PRKN: variants seen among roughly 807,000 people sequenced by gnomAD.
PRKN encodes E3 ubiquitin-protein ligase parkin.
Under a neutral mutation model 59.5 loss-of-function variants are expected in PRKN, and 56 were observed. The ratio of observed to expected loss-of-function variants is 0.94; its 90% CI spans 0.76 to 1.18. PRKN has a LOEUF of 1.18. PRKN is among the 50% of genes most tolerant of loss of function. PRKN has a pLI of 0.00. For missense variants in PRKN, 657 were observed against 596.4 expected (o/e 1.10, Z -1.06); for synonymous variants, 250 against 222.1 (o/e 1.13, Z -1.12).
At chr6:162,583,163 C>G (rs1780855394) in intron 1 of PRKN, among the ~76,000 whole-genome samples, 1 of 152,188 alleles carries the variant, frequency 6.6e-6, no homozygotes, top group Non-Finnish European at 1.5e-5. Flanking sequence ...AGAGAACGAC[C>G]TTACCAGACA....
intron 1 of PRKN, among the ~76,000 whole-genome samples, chr6:162,556,948 T>C (rs574819160): frequency 6.6e-6 from 1 of 152,112 alleles, no homozygotes; most frequent in South Asian, 2.1e-4. Context: ...CCTGCCCCAT[T>C]TGATGAAATA....
At chr6:161,991,134 T>C (rs1016013433) in intron 5 of PRKN, among the ~76,000 whole-genome samples, 1 of 152,150 alleles carries the variant, frequency 6.6e-6, no homozygotes, top group African/African-American at 2.4e-5. Flanking sequence ...GGAAAGAATA[T>C]TCTACCAACA....
At chr6:162,451,763 T>C (rs1790637561) in intron 1 of PRKN, among the ~76,000 whole-genome samples, 1 of 152,098 alleles carries the variant, frequency 6.6e-6, no homozygotes, top group African/African-American at 2.4e-5. Flanking sequence ...AATGATCTAA[T>C]ATATATGTTG....
intron 1 of PRKN, among the ~76,000 whole-genome samples, chr6:162,611,734 C>T (rs557906179): frequency 3.0e-4 from 45 of 152,298 alleles, no homozygotes; most frequent in African/African-American, 1.0e-3. Flanking sequence ...CAGGGACTGA[C>T]CACATCTTAG....
chr6:162,517,541 C>T (rs547034984), intron 1 of PRKN, among the ~76,000 whole-genome samples: 2 of 152,092 alleles, frequency 1.3e-5, no homozygotes, highest in African/African-American at 2.4e-5. Context: ...CAGGCGTGAG[C>T]GACTGCGCCC....
intron 1 of PRKN, among the ~76,000 whole-genome samples, chr6:162,507,447 G>A (rs554079924): frequency 4.0e-5 from 6 of 151,860 alleles, no homozygotes; most frequent in Non-Finnish European, 8.8e-5. Context: ...ATATATATAC[G>A]CATATTCCTT....
At chr6:162,687,164 T>C (rs1334234892) in intron 1 of PRKN, among the ~76,000 whole-genome samples, 1 of 151,568 alleles carries the variant, frequency 6.6e-6, no homozygotes, top group Non-Finnish European at 1.5e-5. Flanking sequence ...TGATCTATGA[T>C]TAGAGTTAAA....
At chr6:162,562,419 C>T (rs1275328714) in intron 1 of PRKN, among the ~76,000 whole-genome samples, 1 of 152,138 alleles carries the variant, frequency 6.6e-6, no homozygotes, top group Non-Finnish European at 1.5e-5. Context: ...CAGGACTTGA[C>T]CCTTGGATGG....
chr6:162,163,074 C>T (rs776637721), intron 4 of PRKN, among the ~76,000 whole-genome samples: 2 of 149,156 alleles, frequency 1.3e-5, no homozygotes, highest in Non-Finnish European at 3.0e-5. Flanking sequence ...TATTACTATT[C>T]ATTTATAATC....
chr6:161,482,738 C>T (rs1283399052), intron 9 of PRKN, among the ~76,000 whole-genome samples: 1 of 152,148 alleles, frequency 6.6e-6, no homozygotes, highest in East Asian at 1.9e-4. Context: ...TGGTTAATGA[C>T]CCCAATTCTG....
At chr6:162,678,697 CT>C (rs1562490793) in intron 1 of PRKN, among the ~76,000 whole-genome samples, 2 of 152,088 alleles carry the variant, frequency 1.3e-5, no homozygotes, top group East Asian at 3.9e-4. Context: ...AATATAACTC[CT>C]TTTATCAGAT....
rs1414062079 is a variant in PRKN at position 161,983,907 on chromosome 6, A to T, written c.619-10490T>A. On this transcript the variant is annotated intron_variant, in intron 5 of 11. Transcript: ENST00000366898. ...TGTACCCTAAAACTTAGAGTATAAT[A>T]AAAAAAAAAAAAATAAAATAAAAGG... is the stretch of plus-strand genomic sequence containing the variant. Among the ~76,000 whole-genome samples the T allele has an allele frequency of 2.5e-5, 3 of 117,680 alleles. 1 individual carries two copies. The highest frequency in any genetic ancestry group is 3.7e-5 in the African/African-American group (1 of 27,370). The allele number at this position is 117,680 out of a possible 152,430, so 77.2% of individuals were successfully genotyped here.
intron 6 of PRKN, among the ~76,000 whole-genome samples, chr6:161,815,670 T>C (rs571487314): frequency 1.2e-3 from 186 of 152,286 alleles, no homozygotes; most frequent in Non-Finnish European, 1.7e-3. Context: ...CTGCAATCAC[T>C]CCAGCCTCCT....
intron 6 of PRKN, among the ~76,000 whole-genome samples, chr6:161,870,708 T>G (rs1389022061): frequency 6.6e-6 from 1 of 152,178 alleles, no homozygotes; most frequent in East Asian, 1.9e-4. Context: ...GAGAAATGAT[T>G]AATTATTAAC....
At chr6:162,418,704 G>GATCA (rs1788786194) in intron 2 of PRKN, among the ~76,000 whole-genome samples, 1 of 150,222 alleles carries the variant, frequency 6.7e-6, no homozygotes, top group East Asian at 2.0e-4. Context: ...CACCCATTAG[G>GATCA]AGGGCAGATG....
At chr6:161,696,143 T>C (rs1278672743) in intron 7 of PRKN, among the ~76,000 whole-genome samples, 1 of 151,820 alleles carries the variant, frequency 6.6e-6, no homozygotes. Flanking sequence ...TAGCAGAGAG[T>C]CAGATGACAA....
At chr6:161,776,189 A>G (rs537247259) in intron 7 of PRKN, among the ~76,000 whole-genome samples, 9 of 152,318 alleles carry the variant, frequency 5.9e-5, no homozygotes, top group Admixed American at 5.2e-4. Context: ...TCAACAAATC[A>G]ACCTAAATAC....
At chr6:162,425,520 G>A (rs1006975795) in intron 2 of PRKN, among the ~76,000 whole-genome samples, 2 of 152,066 alleles carry the variant, frequency 1.3e-5, no homozygotes, top group African/African-American at 4.8e-5. Context: ...AACAAGAGCA[G>A]GATTCCATCA....
chr6:162,071,628 G>T (rs1309227725), intron 4 of PRKN, among the ~76,000 whole-genome samples: 1 of 146,590 alleles, frequency 6.8e-6, no homozygotes, highest in African/African-American at 2.5e-5. Flanking sequence ...ATGGAGTCTC[G>T]AGCTGTAGCC....
Sources: allele counts gnomAD v4.1 joint callset (sites outside exome capture counted in the v4.1 genomes callset), GRCh38; gene constraint gnomAD v4.1.1; transcripts MANE v1.5; gene names NCBI Gene and HGNC (gene_info 2026-07-23, HGNC 2026-07-21).